RFX3: variants seen among roughly 807,000 people sequenced by gnomAD.
RFX3 encodes the protein transcription factor RFX3.
RFX3 carries 14 observed loss-of-function variants against 98.6 expected under a neutral mutation model. That is an observed-to-expected ratio of 0.14 (90% CI 0.09 to 0.22). The LOEUF (loss-of-function observed/expected upper bound fraction) is 0.22. Among genes scored for constraint, RFX3 ranks in the 10% least tolerant of loss-of-function variants. RFX3 has a pLI of 1.00. For synonymous variants in RFX3, 383 were observed against 328.4 expected, an observed-to-expected ratio of 1.17 and a Z score of -1.80; for missense variants, 639 against 926.9, an observed-to-expected ratio of 0.69 and a Z score of 4.03.
intron 5 of RFX3, among the ~76,000 whole-genome samples, chr9:3,299,631 A>G (rs1423603894): frequency 6.7e-6 from 1 of 149,950 alleles, no homozygotes. Flanking sequence ...AAGATCAGAC[A>G]TATTATGTAA....
intron 5 of RFX3, among the ~76,000 whole-genome samples, chr9:3,300,179 G>T (rs1018416113): frequency 1.3e-5 from 2 of 151,434 alleles, no homozygotes; most frequent in African/African-American, 4.8e-5. Context: ...AACATAGCAG[G>T]AATATACTTA....
At chr9:3,462,113 A>C (rs569506976) in intron 1 of RFX3, among the ~76,000 whole-genome samples, 7 of 152,034 alleles carry the variant, frequency 4.6e-5, no homozygotes, top group Non-Finnish European at 1.0e-4. Flanking sequence ...AAAAGAAAAA[A>C]GTGACAAGCA....
intron 2 of RFX3, among the ~76,000 whole-genome samples, chr9:3,389,281 G>C (rs1840040272): frequency 6.6e-6 from 1 of 152,020 alleles, no homozygotes; most frequent in South Asian, 2.1e-4. Flanking sequence ...GAAAAACAAA[G>C]AATAATCTAC....
chr9:3,291,423 A>AACAAT (rs1039530118), intron 6 of RFX3, among the ~76,000 whole-genome samples: 2 of 141,266 alleles, frequency 1.4e-5, no homozygotes, highest in Admixed American at 7.2e-5. Context: ...AACAAAACAA[A>AACAAT]ACAAAACAAA....
At chr9:3,241,994 C>T (rs1819990726) in intron 15 of RFX3, among the ~76,000 whole-genome samples, 1 of 152,140 alleles carries the variant, frequency 6.6e-6, no homozygotes, top group African/African-American at 2.4e-5. Flanking sequence ...AAATGTGTGT[C>T]TATGTGTTTG....
At chr9:3,489,531 C>A (rs778682412) in intron 1 of RFX3, 4 of 395,674 alleles carry the variant, frequency 1.0e-5, no homozygotes, top group Non-Finnish European at 1.4e-5. Context: ...ATTACTCTAC[C>A]AAATACTTAA....
intron 4 of RFX3, among the ~76,000 whole-genome samples, chr9:3,321,869 C>T (rs1010408140): frequency 5.9e-5 from 9 of 151,930 alleles, no homozygotes; most frequent in Non-Finnish European, 8.8e-5. Flanking sequence ...TTCAGTTGTT[C>T]CAAATATCAT....
At chr9:3,437,192 T>A (rs1278843859) in intron 1 of RFX3, among the ~76,000 whole-genome samples, 4 of 152,084 alleles carry the variant, frequency 2.6e-5, no homozygotes, top group Non-Finnish European at 5.9e-5. Flanking sequence ...AAAGGGCTCC[T>A]GCTTGCAGAA....
rs79602980 is a variant in RFX3 at position 3,338,224 on chromosome 9, C to T, written c.216-7707G>A. 8.9e-3 allele frequency among the ~76,000 whole-genome samples: 1,357 copies of T among 152,248 alleles called. 10 individuals are homozygous for T. The highest frequency in any genetic ancestry group is 0.026 in the African/African-American group (1,065 of 41,544). ...ACACTAAAGAATATCACTAATAAAA[C>T]ATTTGCTTTCACTTATATTCAAAAG... On this transcript the variant is annotated intron_variant, in intron 3 of 16. Transcript: ENST00000617270.
At chr9:3,292,960 T>C in intron 6 of RFX3, 117 bp downstream of exon 6, 1 of 748,966 alleles carries the variant, frequency 1.3e-6, no homozygotes, top group South Asian at 2.2e-5. Context: ...ACTGAGCTCA[T>C]TCTATGTATT....
chr9:3,296,936 G>A (rs1366173418), intron 5 of RFX3, among the ~76,000 whole-genome samples: 2 of 152,004 alleles, frequency 1.3e-5, no homozygotes, highest in Non-Finnish European at 2.9e-5. Context: ...CATCCTATAC[G>A]CCAGTATTTA....
intron 4 of RFX3, among the ~76,000 whole-genome samples, chr9:3,322,326 T>C (rs148469442): frequency 3.7e-4 from 57 of 152,338 alleles, no homozygotes; most frequent in African/African-American, 1.3e-3. Context: ...CAATTGGATC[T>C]TGCACACTTA....
chr9:3,345,588 C>A (rs1834366372), intron 3 of RFX3, among the ~76,000 whole-genome samples: 1 of 152,050 alleles, frequency 6.6e-6, no homozygotes, highest in Non-Finnish European at 1.5e-5. Flanking sequence ...TGTATCCTTG[C>A]AAAAACCCAA....
rs147298695 is a variant in RFX3 at position 3,489,432 on chromosome 9, C to A, written c.-9+36315G>T. On this transcript the variant is annotated intron_variant, in intron 1 of 16. Transcript: ENST00000617270. ...TGTTTGTAGTGGAAGCAGAAGTTCA[C>A]ACAAACAAGCTGCTGCATCTTCCTA... The A allele has an allele frequency of 1.3e-4, 127 of 985,262 alleles. No individual in the cohort carries two copies. The African/African-American group carries it at 1.6e-3, about 12-fold the overall frequency. 61.0% of individuals were successfully genotyped at this position (985,262 alleles called of 1,614,324 possible). A position where few individuals can be genotyped will look rare whatever the true frequency, so the allele number is the denominator to read the frequency against.
intron 14 of RFX3, among the ~76,000 whole-genome samples, chr9:3,252,258 G>A (rs1046025410): frequency 3.3e-5 from 5 of 152,176 alleles, no homozygotes; most frequent in East Asian, 1.9e-4. Flanking sequence ...CCTACTCTGC[G>A]GCAGGGTCTT....
chr9:3,516,003 C>A (rs1818120431), intron 1 of RFX3, among the ~76,000 whole-genome samples: 2 of 151,904 alleles, frequency 1.3e-5, no homozygotes, highest in African/African-American at 4.8e-5. Flanking sequence ...CTGCTATGTT[C>A]TAAAATCTTG....
At chr9:3,424,142 T>G (rs566062118) in intron 1 of RFX3, among the ~76,000 whole-genome samples, 38 of 149,894 alleles carry the variant, frequency 2.5e-4, no homozygotes, top group East Asian at 6.1e-4. Flanking sequence ...GGGAGACTCC[T>G]TCTCAAAAAA....
intron 2 of RFX3, among the ~76,000 whole-genome samples, chr9:3,382,141 T>C (rs1464103449): frequency 2.0e-5 from 3 of 152,286 alleles, no homozygotes; most frequent in Non-Finnish European, 4.4e-5. Context: ...TCAGTGATCT[T>C]CCTGCTAAGC....
intron 4 of RFX3, among the ~76,000 whole-genome samples, chr9:3,327,784 C>T (rs1832093556): frequency 6.6e-6 from 1 of 151,510 alleles, no homozygotes. Flanking sequence ...TTTAATTTAC[C>T]AGTTAGTATA....
Sources: allele counts gnomAD v4.1 joint callset (sites outside exome capture counted in the v4.1 genomes callset), GRCh38; gene constraint gnomAD v4.1.1; transcripts MANE v1.5; gene names NCBI Gene and HGNC (gene_info 2026-07-23, HGNC 2026-07-21).